The following PRKN variants were observed in gnomAD, a reference collection of about 807,000 sequenced individuals.
PRKN encodes E3 ubiquitin-protein ligase parkin.
In PRKN, 56 loss-of-function variants were observed where a neutral mutation model predicts 59.5. That is an observed-to-expected ratio of 0.94 (90% CI 0.76 to 1.18). The LOEUF (loss-of-function observed/expected upper bound fraction) is 1.18, where lower values mean the gene tolerates loss of function less well. PRKN is among the 50% of genes most tolerant of loss of function. The probability of loss-of-function intolerance (pLI) is 0.00; values close to 1 mark genes in which losing one functional copy is unlikely to be tolerated. For synonymous variants in PRKN, 250 were observed against 222.1 expected (o/e 1.13, Z -1.12); for missense variants, 657 against 596.4 (o/e 1.10, Z -1.06).
At chr6:161,602,347 A>G (rs1782138413) in intron 7 of PRKN, among the ~76,000 whole-genome samples, 1 of 152,240 alleles carries the variant, frequency 6.6e-6, no homozygotes, top group South Asian at 2.1e-4. Flanking sequence ...AACCTTCCAC[A>G]GAAATAATCT....
chr6:162,224,082 A>C (rs1266260667), intron 3 of PRKN, among the ~76,000 whole-genome samples: 4 of 148,460 alleles, frequency 2.7e-5, no homozygotes, highest in Non-Finnish European at 4.5e-5. Context: ...TCCATACCCC[A>C]AAAAGATTTT....
At chr6:162,644,518 C>G (rs895726271) in intron 1 of PRKN, among the ~76,000 whole-genome samples, 3 of 152,142 alleles carry the variant, frequency 2.0e-5, no homozygotes, top group East Asian at 1.9e-4. Context: ...AAGTCTGAAG[C>G]CTTTTCCCAA....
chr6:161,528,098 A>G (rs1353761898), intron 9 of PRKN, among the ~76,000 whole-genome samples: 2 of 151,634 alleles, frequency 1.3e-5, no homozygotes, highest in East Asian at 1.9e-4. Context: ...CCATAGATAT[A>G]ATATATGCAT....
intron 7 of PRKN, among the ~76,000 whole-genome samples, chr6:161,630,265 C>T (rs1214485217): frequency 2.0e-5 from 3 of 152,020 alleles, no homozygotes; most frequent in African/African-American, 7.2e-5. Context: ...AAGGAACTGC[C>T]GAGCACCCAC....
chr6:161,957,486 A>G lies in PRKN; in HGVS notation c.734+15816T>C, dbSNP rs1287078169. Among the ~76,000 whole-genome samples the G allele has an allele frequency of 2.7e-5, 4 of 147,294 alleles. No homozygotes were observed. In the South Asian group the frequency reaches 6.5e-4, roughly 24 times the overall value. ...TGTCATCAGGCTGAAGTGCAGTGGC[A>G]CAATGTTGGCTAACTGCAACCTCCA... On this transcript the variant is annotated intron_variant, in intron 6 of 11. Coordinates refer to ENST00000366898, the MANE Select transcript of PRKN (RefSeq NM_004562.3).
intron 7 of PRKN, among the ~76,000 whole-genome samples, chr6:161,736,317 C>A (rs111592447): frequency 1.3e-5 from 2 of 152,212 alleles, no homozygotes; most frequent in African/African-American, 2.4e-5. Context: ...AATTATGTAA[C>A]CTCTCTGTAC....
At chr6:161,542,573 C>T (rs1047133149) in intron 9 of PRKN, among the ~76,000 whole-genome samples, 1 of 152,228 alleles carries the variant, frequency 6.6e-6, no homozygotes, top group African/African-American at 2.4e-5. Context: ...TGCAAATGAG[C>T]TGATCTTAGA....
chr6:162,527,790 G>C (rs1304596997), intron 1 of PRKN, among the ~76,000 whole-genome samples: 1 of 152,018 alleles, frequency 6.6e-6, no homozygotes, highest in Non-Finnish European at 1.5e-5. Flanking sequence ...TTCCCATCAG[G>C]CGCTTTACAT....
In PRKN at chr6:162,149,093, C is replaced by A. The variant is rs79801728; in HGVS notation, c.534+52038G>T. Among the ~76,000 whole-genome samples the A allele has an allele frequency of 2.9e-3, 434 of 152,228 alleles. 11 individuals are homozygous for A. The East Asian group carries it at 0.041, about 14-fold the overall frequency. ...CTGTGTCTGCGTCTGACCATTTCTGCGGCTGTCACCATCTCCCAGTAGGAC... is the reference window on the plus strand; with the variant it reads ...CTGTGTCTGCGTCTGACCATTTCTGAGGCTGTCACCATCTCCCAGTAGGAC... On this transcript the variant is annotated intron_variant, in intron 4 of 11. Coordinates refer to ENST00000366898, the MANE Select transcript of PRKN (RefSeq NM_004562.3).
chr6:162,410,146 A>G (rs1450738596), intron 2 of PRKN, among the ~76,000 whole-genome samples: 2 of 152,160 alleles, frequency 1.3e-5, no homozygotes, highest in Non-Finnish European at 2.9e-5. Context: ...GTTCCTGTGA[A>G]TGAAAACCAC....
At chr6:161,797,245 ATTCT>A (rs954351647) in intron 6 of PRKN, among the ~76,000 whole-genome samples, 3 of 151,716 alleles carry the variant, frequency 2.0e-5, no homozygotes, top group Non-Finnish European at 4.4e-5. Context: ...TTTTCTTTTT[ATTCT>A]TTCTTTCTTT....
chr6:161,994,824 A>G (rs1254068825), intron 5 of PRKN, among the ~76,000 whole-genome samples: 1 of 152,106 alleles, frequency 6.6e-6, no homozygotes, highest in East Asian at 1.9e-4. Flanking sequence ...ACACAAACCA[A>G]TGGAAAGACA....
intron 5 of PRKN, among the ~76,000 whole-genome samples, chr6:161,987,404 C>T (rs1781475277): frequency 2.0e-5 from 3 of 152,152 alleles, no homozygotes; most frequent in Non-Finnish European, 4.4e-5. Flanking sequence ...TACATATGAT[C>T]ATCCCTCAGT....
rs1178962792 is a variant in PRKN, at chr6:161,369,836, A to G, written c.1168-9631T>C. On this transcript the variant is annotated intron_variant, in intron 10 of 11. Coordinates refer to ENST00000366898, the MANE Select transcript of PRKN (RefSeq NM_004562.3). This position sits in a 1 kb window ranked among gnomAD's most constrained non-coding sequence, Gnocchi z 5.8. The stretch of plus-strand genomic sequence containing the variant: ...ATTATAGGAAATATATTTCATATAC[A>G]TATAGAGAGAGACAGAGAGAATCAA... 2 of 250,358 alleles carry G rather than the reference A, an allele frequency of 8.0e-6. No homozygotes were observed. Among genetic ancestry groups the G allele is most frequent in the Non-Finnish European group, 1.8e-5 (2 of 112,616 alleles). 15.5% of individuals were successfully genotyped at this position (250,358 alleles called of 1,614,324 possible).
chr6:162,399,806 T>A (rs911592187), intron 2 of PRKN, among the ~76,000 whole-genome samples: 17 of 151,272 alleles, frequency 1.1e-4, no homozygotes, highest in African/African-American at 3.4e-4. Flanking sequence ...AAAAATAAGA[T>A]GTGAAGTGAC....
At chr6:161,676,609 G>A (rs145277564) in intron 7 of PRKN, among the ~76,000 whole-genome samples, 59 of 152,320 alleles carry the variant, frequency 3.9e-4, no homozygotes, top group Middle Eastern at 3.4e-3. Flanking sequence ...CTGCGACAGC[G>A]TGGTTGAGTA....
chr6:161,893,771 A>G (rs1177695305), intron 6 of PRKN, among the ~76,000 whole-genome samples: 2 of 152,198 alleles, frequency 1.3e-5, no homozygotes, highest in East Asian at 3.9e-4. Flanking sequence ...GCAAGAAATA[A>G]TGATTCAGAG....
chr6:161,908,308 A>G (rs1372872256), intron 6 of PRKN, among the ~76,000 whole-genome samples: 2 of 152,152 alleles, frequency 1.3e-5, no homozygotes, highest in East Asian at 1.9e-4. Context: ...TTCCGGATGG[A>G]AACAGGGCAT....
intron 6 of PRKN, among the ~76,000 whole-genome samples, chr6:161,937,409 G>A (rs1779399030): frequency 6.6e-6 from 1 of 152,206 alleles, no homozygotes. Context: ...ATTGGTCGCA[G>A]CAGTAATTTA....
Sources: allele counts gnomAD v4.1 joint callset (sites outside exome capture counted in the v4.1 genomes callset), GRCh38; gene constraint gnomAD v4.1.1; non-coding constraint Gnocchi (gnomAD v3.1); transcripts MANE v1.5; gene names NCBI Gene and HGNC (gene_info 2026-07-23, HGNC 2026-07-21).